KRT86: variants seen among roughly 807,000 people sequenced by gnomAD.
KRT86 encodes the protein keratin, type II cuticular Hb6.
A neutral mutation model predicts 41.2 loss-of-function variants in KRT86; 30 were observed. That is an observed-to-expected ratio of 0.73 (90% confidence interval 0.54 to 0.99). The LOEUF (loss-of-function observed/expected upper bound fraction) is 0.99, where lower values mean the gene tolerates loss of function less well. KRT86 is among the 50% of genes least tolerant of loss of function. KRT86 has a pLI of 0.00. For missense variants in KRT86, 561 were observed against 571.4 expected, an observed-to-expected ratio of 0.98 and a Z score of 0.19; for synonymous variants, 238 against 238.1, an observed-to-expected ratio of 1.00 and a Z score of 0.00.
intron 2 of KRT86, chr12:52,286,862 C>T (rs1307490283): frequency 6.2e-7 from 1 of 1,611,368 alleles, no homozygotes; most frequent in South Asian, 1.1e-5. Flanking sequence ...AGTGACTGCC[C>T]CAGAGTGGCT....
chr12:52,275,793 CA>C, intron 1 of KRT86, 27 bp from the exon 2 acceptor site: 2 of 982,406 alleles, frequency 2.0e-6, no homozygotes, highest in Non-Finnish European at 2.4e-6. Context: ...CTCCTGACTA[CA>C]GCTCCCCTCT....
Position 52,308,645 on chromosome 12 carries a change from G to A in KRT86, c.*60G>A, listed in dbSNP as rs1565751833. On this transcript the variant is annotated 3_prime_UTR_variant, in exon 11 of 11. Transcript: ENST00000423955. ...ACTCTCCACCCAGCCAGTACCTCGC[G>A]CCACCAGAACGCGCCGCCCGCGCCG... 6.5e-7 allele frequency: 1 copy of A among 1,536,296 alleles called. No individual in the cohort carries two copies. The highest frequency in any genetic ancestry group is 8.8e-7 in the Non-Finnish European group (1 of 1,133,680).
At chr12:52,276,122 G>A (rs1044381971) in intron 2 of KRT86, among the ~76,000 whole-genome samples, 176 bp downstream of exon 2, 1 of 152,190 alleles carries the variant, frequency 6.6e-6, no homozygotes, top group African/African-American at 2.4e-5. Flanking sequence ...CTCTGCCTAG[G>A]ACATTGTGTA....
intron 2 of KRT86, chr12:52,286,967 A>G: frequency 1.3e-6 from 2 of 1,552,512 alleles, no homozygotes; most frequent in Non-Finnish European, 1.8e-6. Flanking sequence ...CTCACACACC[A>G]GCCCTCCCCA....
chr12:52,286,699 A>G (rs1456901989), intron 2 of KRT86: 16 of 1,403,222 alleles, frequency 1.1e-5, no homozygotes, highest in Middle Eastern at 3.5e-4. Flanking sequence ...CCACTCTTTT[A>G]TATTCAATCT....
intron 5 of KRT86, among the ~76,000 whole-genome samples, chr12:52,304,383 GCA>G: frequency 2.3e-5 from 3 of 128,868 alleles, no homozygotes; most frequent in Admixed American, 1.6e-4. Flanking sequence ...CCTACCTTGG[GCA>G]AGGGGATGGC....
At chr12:52,292,863 G>A (rs890875472) in intron 2 of KRT86, among the ~76,000 whole-genome samples, 9 of 152,152 alleles carry the variant, frequency 5.9e-5, no homozygotes, top group Admixed American at 3.9e-4. Context: ...ACAGCTGGGC[G>A]CAGTGGCTCA....
intron 2 of KRT86, chr12:52,291,524 A>C (rs1938125323): frequency 1.2e-6 from 2 of 1,602,520 alleles, no homozygotes; most frequent in Non-Finnish European, 1.7e-6. Flanking sequence ...GTCCTGATGG[A>C]AACTCCAATG....
At chr12:52,282,602 C>T (rs1250491506) in intron 2 of KRT86, among the ~76,000 whole-genome samples, 1 of 152,252 alleles carries the variant, frequency 6.6e-6, no homozygotes, top group Non-Finnish European at 1.5e-5. Context: ...TCTGCCCCAC[C>T]TGGAGTGAGA....
chr12:52,306,723 T>C, intron 9 of KRT86: 1 of 254,096 alleles, frequency 3.9e-6, no homozygotes. Flanking sequence ...CAACTCATGC[T>C]TTTCTATTAT....
At position 52,306,107 on chromosome 12, in the gene KRT86, G is replaced by A; in HGVS notation, c.1074G>A (p.Glu358=). 1.9e-6 allele frequency: 3 copies of A among 1,614,066 alleles called. No homozygotes were observed. The highest frequency in any genetic ancestry group is 2.5e-6 in the Non-Finnish European group (3 of 1,180,046). ...AAVAQSEQQG[E]AALSDARCKL... ...TGGCTCAGTCTGAGCAGCAGGGTGA[G>A]GCGGCCCTCAGCGATGCCCGCTGCA... Residue 358 remains glutamate, a synonymous_variant, in exon 9 of 11, where the codon GAG becomes GAA. Coordinates refer to ENST00000423955, the MANE Select transcript of KRT86 (RefSeq NM_001320198.2).
chr12:52,289,278 G>A (rs1387155769), intron 2 of KRT86: 4 of 231,088 alleles, frequency 1.7e-5, no homozygotes, highest in Admixed American at 7.7e-5. Flanking sequence ...CCTCATACCT[G>A]AGACAGAGCA....
intron 2 of KRT86, chr12:52,291,558 T>G: frequency 5.2e-6 from 8 of 1,548,544 alleles, no homozygotes; most frequent in Non-Finnish European, 7.0e-6. Flanking sequence ...ACCGCAGCCC[T>G]ATTTATGCGC....
At position 52,308,427 on chromosome 12, in the gene KRT86, G is replaced by C; in HGVS notation, c.1303G>C (p.Val435Leu). 6.2e-7 allele frequency: 1 copy of C among 1,611,764 alleles called. No individual in the cohort carries two copies. Among genetic ancestry groups the C allele is most frequent in the Non-Finnish European group, 8.5e-7 (1 of 1,179,658 alleles). ...NVCVSSSRGG[V>L]VCGDLCASTT... The stretch of plus-strand genomic sequence containing the variant: ...AGGCGTCAGCAGCTCCCGCGGTGGC[G>C]TTGTCTGTGGCGATCTCTGCGCCTC... Residue 435 changes from valine to leucine, a missense_variant, in exon 11 of 11, where the codon GTT becomes CTT. Around this residue, in one of 3 missense-constraint regions of KRT86, gnomAD observed 397 missense variants for 375.9 expected, o/e 1.06. Coordinates refer to ENST00000423955, the MANE Select transcript of KRT86 (RefSeq NM_001320198.2).
intron 2 of KRT86, chr12:52,286,229 G>A (rs768552191): frequency 1.3e-6 from 2 of 1,541,946 alleles, no homozygotes; most frequent in East Asian, 4.8e-5. Flanking sequence ...AAAGATGCCT[G>A]GGGCCTGGGA....
At chr12:52,288,609 G>T (rs1249811652) in intron 2 of KRT86, among the ~76,000 whole-genome samples, 1 of 152,054 alleles carries the variant, frequency 6.6e-6, no homozygotes, top group Non-Finnish European at 1.5e-5. Flanking sequence ...CCTGGGATGA[G>T]CTGGCATCCT....
At position 52,304,965 on chromosome 12, in the gene KRT86, C is replaced by A. The variant is rs747016737; in HGVS notation, c.673C>A (p.Leu225Met). 6.2e-7 allele frequency: 1 copy of A among 1,614,164 alleles called. No homozygotes were observed. Among genetic ancestry groups the A allele is most frequent in the African/African-American group, 1.3e-5 (1 of 75,042 alleles). ...CTGCGCCTACCTCCGCAAATCAGAC[C>A]TGGAGGCCAATGTGGAGGCCCTGAT... Reference protein sequence around the residue: ...VDCAYLRKSDLEANVEALIQE... With the variant: ...VDCAYLRKSDMEANVEALIQE... Residue 225 changes from leucine to methionine, a missense_variant, in exon 6 of 11, where the codon CTG becomes ATG. Around this residue, in one of 3 missense-constraint regions of KRT86, gnomAD observed 397 missense variants for 375.9 expected, o/e 1.06. Transcript: ENST00000423955.
intron 2 of KRT86, among the ~76,000 whole-genome samples, chr12:52,299,615 T>G (rs149616332): frequency 5.5e-4 from 84 of 152,362 alleles, no homozygotes; most frequent in African/African-American, 1.9e-3. Flanking sequence ...CCATAATTTT[T>G]TTGTCTTTTT....
chr12:52,296,385 G>A (rs1332099407), intron 2 of KRT86, among the ~76,000 whole-genome samples: 1 of 152,148 alleles, frequency 6.6e-6, no homozygotes, highest in African/African-American at 2.4e-5. Flanking sequence ...GAAAGTGTGT[G>A]TAGGCCCACT....
Sources: gnomAD v4.1 joint callset for allele counts (sites outside exome capture counted in the v4.1 genomes callset) on GRCh38, gnomAD v4.1.1 for gene constraint, gnomAD v4.1.1 regional missense constraint, MANE v1.5 for transcripts, NCBI Gene and HGNC (gene_info 2026-07-23, HGNC 2026-07-21) for gene names.